Variants in FOCAD observed in about 807,000 individuals in gnomAD.
The protein encoded by FOCAD is KIAA1797.
Under a neutral mutation model 225.6 loss-of-function variants are expected in FOCAD, and 198 were observed. That is an observed-to-expected ratio of 0.88 (90% CI 0.78 to 0.99). FOCAD has a LOEUF of 0.99. FOCAD is among the 50% of genes least tolerant of loss of function. The pLI is 0.00. For missense variants in FOCAD, 2,713 were observed against 2,123.6 expected, an observed-to-expected ratio of 1.28 and a Z score of -5.46; for synonymous variants, 897 against 755.0, an observed-to-expected ratio of 1.19 and a Z score of -3.08.
chr9:20,936,946 A>G (rs1029160575), intron 28 of FOCAD, among the ~76,000 whole-genome samples: 1 of 152,182 alleles, frequency 6.6e-6, no homozygotes, highest in Non-Finnish European at 1.5e-5. Flanking sequence ...AGACAAACAA[A>G]GAGCCAAATC....
chr9:20,753,516 G>A (rs1828760902), intron 5 of FOCAD, among the ~76,000 whole-genome samples: 1 of 151,916 alleles, frequency 6.6e-6, no homozygotes, highest in Admixed American at 6.6e-5. Flanking sequence ...AAGCCCACTT[G>A]ATCATGGTGG....
At chr9:20,695,892 T>G (rs1823331900) in intron 1 of FOCAD, among the ~76,000 whole-genome samples, 1 of 152,220 alleles carries the variant, frequency 6.6e-6, no homozygotes, top group Admixed American at 6.5e-5. Flanking sequence ...TTGTTGTGTA[T>G]AGTCAAGATT....
chr9:20,926,953 G>A lies in FOCAD; in HGVS notation c.3078+536G>A, dbSNP rs1835012927. 2.0e-5 allele frequency among the ~76,000 whole-genome samples: 3 copies of A among 150,422 alleles called. No homozygotes were observed. The Admixed American group carries it at 2.0e-4, about 10-fold the overall frequency. On this transcript the variant is annotated intron_variant, in intron 26 of 43. Coordinates refer to ENST00000338382, the MANE Select transcript of FOCAD (RefSeq NM_001375567.1). ...TATATATGTAAATTATAAGAAATATGTGTGTAAATATTAATGTTATATATG... is the reference window on the plus strand; with the variant it reads ...TATATATGTAAATTATAAGAAATATATGTGTAAATATTAATGTTATATATG...
intron 21 of FOCAD, among the ~76,000 whole-genome samples, chr9:20,897,299 T>C (rs1449109305): frequency 6.6e-6 from 1 of 151,808 alleles, no homozygotes; most frequent in Non-Finnish European, 1.5e-5. Context: ...AAAGTAGATT[T>C]CTTGTAGACA....
chr9:20,969,434 A>G (rs1210018099), intron 35 of FOCAD, among the ~76,000 whole-genome samples: 2 of 151,968 alleles, frequency 1.3e-5, no homozygotes, highest in Non-Finnish European at 2.9e-5. Flanking sequence ...GTCAGTATTT[A>G]TATATTTGGG....
chr9:20,720,023 C>G (rs1825653183), intron 3 of FOCAD, among the ~76,000 whole-genome samples: 1 of 152,100 alleles, frequency 6.6e-6, no homozygotes, highest in Non-Finnish European at 1.5e-5. Context: ...GAGTTCAACT[C>G]AGGCTAGCTG....
chr9:20,964,143 A>G (rs1839032602), intron 35 of FOCAD, among the ~76,000 whole-genome samples: 1 of 152,098 alleles, frequency 6.6e-6, no homozygotes, highest in South Asian at 2.1e-4. Flanking sequence ...AGGCAGGTAG[A>G]TCGCCTAAGG....
rs565778435 is a variant in FOCAD at position 20,834,927 on chromosome 9, T to A, written c.1920+11812T>A. 4.6e-5 allele frequency among the ~76,000 whole-genome samples: 7 copies of A among 152,256 alleles called. No homozygotes were observed. The South Asian group carries it at 1.2e-3, about 27-fold the overall frequency. On this transcript the variant is annotated intron_variant, in intron 15 of 43. Coordinates refer to ENST00000338382, the MANE Select transcript of FOCAD (RefSeq NM_001375567.1). ...TAATGTTTTAAAAATTGATTTCATATTGAAGTGAGAATTTTTGGATGTATT... is the reference window on the plus strand; with the variant it reads ...TAATGTTTTAAAAATTGATTTCATAATGAAGTGAGAATTTTTGGATGTATT...
intron 2 of FOCAD, among the ~76,000 whole-genome samples, chr9:20,666,290 G>T (rs1184051818): frequency 2.6e-5 from 4 of 152,100 alleles, no homozygotes; most frequent in Non-Finnish European, 4.4e-5. Flanking sequence ...AAAAATAACT[G>T]GCTGGGTGCA....
At chr9:20,990,660 G>A (rs1464578224) in intron 42 of FOCAD, among the ~76,000 whole-genome samples, 1 of 152,196 alleles carries the variant, frequency 6.6e-6, no homozygotes, top group Non-Finnish European at 1.5e-5. Flanking sequence ...TTGATCCTGG[G>A]GAGGAAAGGG....
At chr9:20,744,099 A>C (rs2131687579) in intron 5 of FOCAD, among the ~76,000 whole-genome samples, 1 of 152,328 alleles carries the variant, frequency 6.6e-6, no homozygotes, top group East Asian at 1.9e-4. Flanking sequence ...GGGTTTGTTC[A>C]ATGAAAAAAT....
intron 6 of FOCAD, 38 bp from the exon 7 acceptor site, chr9:20,764,831 T>C (rs1343104009): frequency 6.5e-7 from 1 of 1,534,456 alleles, no homozygotes; most frequent in Non-Finnish European, 9.0e-7. Flanking sequence ...ATAGTGTGTT[T>C]AACTCAATAA....
intron 11 of FOCAD, 147 bp from the exon 12 acceptor site, chr9:20,819,649 A>G (rs545437618): frequency 5.6e-5 from 24 of 428,284 alleles, no homozygotes; most frequent in African/African-American, 2.5e-4. Flanking sequence ...AATTATCATT[A>G]GCAAGTAATA....
rs1244120275 is a variant in FOCAD, at chr9:20,982,358, G to A, written c.4640G>A (p.Arg1547Lys). 1 of 1,607,904 alleles carries A rather than the reference G, an allele frequency of 6.2e-7. No individual in the cohort carries two copies. Among genetic ancestry groups the A allele is most frequent in the Non-Finnish European group, 8.5e-7 (1 of 1,176,140 alleles). ...ATGTTTGGGATTTTTCTTTATCAGA[G>A]AAAGGATCTAGAGCTGTATATCAGC... ...IFDLLPNKIR[R>K]KDLELYISIA... The change falls in exon 39 of 44, where the codon AGA (arginine) becomes AAA (lysine). Residue 1547 changes from arginine (R) to lysine (K), a missense_variant and splice_region_variant. Arg to Lys is a conservative substitution (Grantham distance 26, BLOSUM62 2). Coordinates refer to ENST00000338382, the MANE Select transcript of FOCAD (RefSeq NM_001375567.1).
At chr9:20,765,543 C>T (rs1563962737) in intron 7 of FOCAD, among the ~76,000 whole-genome samples, 1 of 152,168 alleles carries the variant, frequency 6.6e-6, no homozygotes, top group Non-Finnish European at 1.5e-5. Context: ...CCCCTTGCAA[C>T]ATATGCAGCA....
chr9:20,679,121 ATGTGTGTG>A (rs539231126), intron 2 of FOCAD, among the ~76,000 whole-genome samples: 4,018 of 121,978 alleles, frequency 0.033, 61 homozygotes, highest in Middle Eastern at 0.089. Flanking sequence ...CAGTCTGTGT[ATGTGTGTG>A]TGTGTGTGTG....
chr9:20,917,916 T>A (rs1026180867), intron 24 of FOCAD, among the ~76,000 whole-genome samples: 2 of 152,178 alleles, frequency 1.3e-5, no homozygotes, highest in African/African-American at 2.4e-5. Context: ...GTCTTCTGGA[T>A]AAAGAGAAAT....
chr9:20,710,229 ATTT>A (rs749860355), intron 1 of FOCAD, among the ~76,000 whole-genome samples: 2 of 102,288 alleles, frequency 2.0e-5, no homozygotes, highest in Admixed American at 1.1e-4. Context: ...AGTAGCTGAG[ATTT>A]TTTTTTTTTT....
In FOCAD at chr9:20,895,379, G is replaced by A. The variant is rs549766934; in HGVS notation, c.2625+10149G>A. On this transcript the variant is annotated intron_variant, in intron 21 of 43. Coordinates refer to ENST00000338382, the MANE Select transcript of FOCAD (RefSeq NM_001375567.1). Reference sequence around the variant, plus strand: ...ACTTGGTGAGATTTTGAGTGTGATTGCATTGAATGTATAGATGAAGTTAGG... The same window carrying A: ...ACTTGGTGAGATTTTGAGTGTGATTACATTGAATGTATAGATGAAGTTAGG... Among the ~76,000 whole-genome samples the A allele has an allele frequency of 2.4e-4, 36 of 151,980 alleles. 1 individual carries two copies. In the South Asian group the frequency reaches 5.2e-3, roughly 22 times the overall value.
Sources: gnomAD v4.1 joint callset for allele counts (sites outside exome capture counted in the v4.1 genomes callset) on GRCh38, gnomAD v4.1.1 for gene constraint, MANE v1.5 for transcripts, NCBI Gene and HGNC (gene_info 2026-07-23, HGNC 2026-07-21) for gene names.